Variants in TDRD12 observed in about 807,000 individuals in gnomAD.
The protein encoded by TDRD12 is putative ATP-dependent RNA helicase TDRD12.
In TDRD12, 158 loss-of-function variants were observed where a neutral mutation model predicts 133.5. The ratio of observed to expected loss-of-function variants is 1.18; its 90% CI spans 1.04 to 1.35. The LOEUF (loss-of-function observed/expected upper bound fraction) is 1.35, where lower values mean the gene tolerates loss of function less well. Among genes scored for constraint, TDRD12 ranks in the 40% most tolerant of loss-of-function variants. The pLI, the probability that TDRD12 is intolerant of heterozygous loss-of-function variation, is 0.00. For missense variants in TDRD12, 1,443 were observed against 1,321.3 expected (o/e 1.09, Z -1.43); for synonymous variants, 460 against 477.9 (o/e 0.96, Z 0.49).
At chr19:32,765,752 G>GT (rs898807628) in intron 8 of TDRD12, among the ~76,000 whole-genome samples, 39 of 151,494 alleles carry the variant, frequency 2.6e-4, no homozygotes, top group African/African-American at 9.2e-4. Context: ...GGTGGGGGTC[G>GT]GGGGGAGGGA....
At chr19:32,728,468 A>G (rs933730607) in intron 1 of TDRD12, among the ~76,000 whole-genome samples, 29 of 151,960 alleles carry the variant, frequency 1.9e-4, no homozygotes, top group Admixed American at 3.9e-4. Flanking sequence ...TTGTAGTTCT[A>G]ATTTTTTAAT....
At chr19:32,757,708 C>T (rs151179838) in intron 8 of TDRD12, among the ~76,000 whole-genome samples, 1,666 of 152,166 alleles carry the variant, frequency 0.011, 40 homozygotes, top group African/African-American at 0.038. Context: ...AATGTTATAA[C>T]GAAACAACCT....
chr19:32,799,127 T>C (rs2145690188), intron 16 of TDRD12, among the ~76,000 whole-genome samples: 1 of 152,322 alleles, frequency 6.6e-6, no homozygotes, highest in East Asian at 1.9e-4. Context: ...TTTGAGCTCT[T>C]GTAAGGCTTT....
At chr19:32,810,972 A>G (rs1966982976) in intron 23 of TDRD12, among the ~76,000 whole-genome samples, 1 of 152,200 alleles carries the variant, frequency 6.6e-6, no homozygotes, top group Admixed American at 6.5e-5. Context: ...GTTAATTTTT[A>G]TTATGTTGTT....
intron 14 of TDRD12, 125 bp downstream of exon 14, chr19:32,794,938 C>G (rs1370835462): frequency 4.9e-6 from 3 of 614,792 alleles, no homozygotes; most frequent in Non-Finnish European, 8.7e-6. Context: ...AGGCCAGAAA[C>G]TGTCCTGTGG....
chr19:32,730,790 C>G (rs755071665), intron 1 of TDRD12, among the ~76,000 whole-genome samples: 2 of 152,020 alleles, frequency 1.3e-5, no homozygotes, highest in Non-Finnish European at 2.9e-5. Flanking sequence ...CTGAGATGGG[C>G]GAATCACCTG....
downstream of TDRD12, chr19:32,824,648 CTGT>C (rs1297605516): frequency 6.6e-6 from 1 of 152,302 alleles, no homozygotes; most frequent in Non-Finnish European, 1.5e-5. Context: ...GCCCCGTGTC[CTGT>C]TATGTCTCCT....
rs1298013307 is a variant in TDRD12 at position 32,802,146 on chromosome 19, T to TTATCATATATATATATGATAATATA, written c.2197+286_2197+310dup. 1.3e-4 allele frequency among the ~76,000 whole-genome samples: 18 copies of TTATCATATATATATATGATAATATA among 142,836 alleles called. No individual in the cohort carries two copies. In the South Asian group the frequency reaches 1.7e-3, roughly 14 times the overall value. The allele number at this position is 142,836 out of a possible 152,430, so 93.7% of individuals were successfully genotyped here. ...ATCACTATCATATATATGATATATA[T>TTATCATATATATATATGATAATATA]TATCATATATATATATGATAATATA... On this transcript the variant is annotated intron_variant, in intron 19 of 27. Coordinates refer to ENST00000444215, the Ensembl canonical transcript of TDRD12.
chr19:32,727,616 T>C (rs1389047194), intron 1 of TDRD12, among the ~76,000 whole-genome samples: 1 of 152,228 alleles, frequency 6.6e-6, no homozygotes, highest in Non-Finnish European at 1.5e-5. Context: ...CTTTGATCCA[T>C]TTTGAGTATG....
chr19:32,795,335 G>GAAA (rs35855895), intron 14 of TDRD12, among the ~76,000 whole-genome samples: 1 of 114,272 alleles, frequency 8.8e-6, no homozygotes, highest in Non-Finnish European at 1.8e-5. Context: ...CTCCATCTCA[G>GAAA]AAAAAAAAAA....
chr19:32,723,222 CTG>C (rs991091326), intron 1 of TDRD12, among the ~76,000 whole-genome samples: 1 of 151,888 alleles, frequency 6.6e-6, no homozygotes, highest in Non-Finnish European at 1.5e-5. Flanking sequence ...CAATACCACA[CTG>C]TCTTATTACT....
At chr19:32,760,792 G>A (rs761118976) in intron 8 of TDRD12, among the ~76,000 whole-genome samples, 23 of 152,164 alleles carry the variant, frequency 1.5e-4, no homozygotes, top group Admixed American at 3.3e-4. Flanking sequence ...CAAAGTCTGT[G>A]CTTCCATAGA....
In TDRD12 at chr19:32,745,049, C is replaced by T. The variant is rs186028149; in HGVS notation, c.440+2149C>T. 2.4e-4 allele frequency among the ~76,000 whole-genome samples: 37 copies of T among 152,348 alleles called. 1 individual carries two copies. The East Asian group carries it at 6.2e-3, about 25-fold the overall frequency. ...AAGTCCCTGCTGAGGCCAATGCGCC[C>T]TACCAGGCCGCCCTCCAGCCAGCCC... On this transcript the variant is annotated intron_variant, in intron 4 of 27. Coordinates refer to ENST00000444215, the Ensembl canonical transcript of TDRD12.
At chr19:32,769,922 C>T (rs1054970095) in intron 8 of TDRD12, among the ~76,000 whole-genome samples, 3 of 152,098 alleles carry the variant, frequency 2.0e-5, no homozygotes, top group Admixed American at 6.5e-5. Context: ...AGGCATGAGC[C>T]ACTGTGCCCA....
At chr19:32,802,626 G>C in intron 19 of TDRD12, 30 bp from the exon 20 acceptor site, 1 of 1,533,386 alleles carries the variant, frequency 6.5e-7, no homozygotes, top group Non-Finnish European at 8.7e-7. Flanking sequence ...ACTCCAGCGC[G>C]TGTGACATTG....
At chr19:32,823,797 A>G (rs1390703202), downstream of TDRD12, among the ~76,000 whole-genome samples, 1 of 152,210 alleles carries the variant, frequency 6.6e-6, no homozygotes, top group Non-Finnish European at 1.5e-5. Flanking sequence ...TTCCCAGAGC[A>G]GTGTTTATTC....
intron 2 of TDRD12, among the ~76,000 whole-genome samples, chr19:32,732,162 C>G (rs1969077597): frequency 6.6e-6 from 1 of 152,192 alleles, no homozygotes; most frequent in South Asian, 2.1e-4. Flanking sequence ...GGCCACCACA[C>G]TCAGCTAATT....
chr19:32,757,079 A>G (rs1970016574), exon 8 of TDRD12: 6 of 1,551,864 alleles, frequency 3.9e-6, no homozygotes, highest in South Asian at 1.2e-5. Context: ...TCTGCAACAT[A>G]CATGGTGCAA....
At chr19:32,757,834 T>C (rs1485615685) in intron 8 of TDRD12, among the ~76,000 whole-genome samples, 1 of 152,232 alleles carries the variant, frequency 6.6e-6, no homozygotes, top group Non-Finnish European at 1.5e-5. Flanking sequence ...GGGTGTAATA[T>C]TTCATGTGTA....
Sources: gnomAD v4.1 joint callset for allele counts (sites outside exome capture counted in the v4.1 genomes callset) on GRCh38, gnomAD v4.1.1 for gene constraint, MANE v1.5 for transcripts, NCBI Gene and HGNC (gene_info 2026-07-23, HGNC 2026-07-21) for gene names.